The following TRPS1 variants were observed in gnomAD, a reference collection of about 807,000 sequenced individuals.
TRPS1 encodes the protein transcriptional repressor GATA binding 1, also known as zinc finger transcription factor Trps1.
TRPS1 carries 6 observed loss-of-function variants against 101.2 expected under a neutral mutation model. That is an observed-to-expected ratio of 0.06 (90% CI 0.03 to 0.12). The LOEUF is 0.12. TRPS1 is among the 10% of genes least tolerant of loss of function. The pLI is 1.00. For synonymous variants in TRPS1, 578 were observed against 589.8 expected (o/e 0.98, Z 0.29); for missense variants, 1,363 against 1,567.0 (o/e 0.87, Z 2.20).
intron 1 of TRPS1, among the ~76,000 whole-genome samples, chr8:115,632,338 T>C (rs73703343): frequency 0.021 from 3,129 of 152,034 alleles, 124 homozygotes; most frequent in African/African-American, 0.072. Context: ...ACATAAAAAA[T>C]AAATAGTTTA....
intron 4 of TRPS1, among the ~76,000 whole-genome samples, chr8:115,594,003 G>A (rs1817733955): frequency 6.6e-6 from 1 of 152,056 alleles, no homozygotes; most frequent in South Asian, 2.1e-4. Flanking sequence ...CATCCAGATT[G>A]ACAGTAAGTA....
At chr8:115,577,759 CA>C (rs1324024492) in intron 5 of TRPS1, among the ~76,000 whole-genome samples, 2 of 151,718 alleles carry the variant, frequency 1.3e-5, no homozygotes, top group Non-Finnish European at 2.9e-5. Context: ...TATATTTCAG[CA>C]AAAAAATAAA....
intron 5 of TRPS1, among the ~76,000 whole-genome samples, chr8:115,472,218 T>A (rs1814490050): frequency 6.6e-6 from 1 of 152,178 alleles, no homozygotes; most frequent in Non-Finnish European, 1.5e-5. Context: ...TTTCCACACA[T>A]CCTCTGTAAT....
intron 5 of TRPS1, among the ~76,000 whole-genome samples, chr8:115,535,627 C>G (rs1316819580): frequency 6.7e-6 from 1 of 150,264 alleles, no homozygotes; most frequent in African/African-American, 2.4e-5. Flanking sequence ...TTTGGGAGGC[C>G]GAGGTGGGCA....
At chr8:115,500,993 T>C (rs1815303680) in intron 5 of TRPS1, among the ~76,000 whole-genome samples, 1 of 78 alleles carries the variant, frequency 0.013, no homozygotes, top group Admixed American at 0.1. Flanking sequence ...TAGATCTTTC[T>C]ATAGGTAATT....
chr8:115,604,815 G>C lies in TRPS1; in HGVS notation c.1154C>G (p.Ala385Gly), dbSNP rs745786131. ...GTTAGAGTTTTTCTCTGAAGGTTTT[G>C]CAACCTCAGAGGAGGGGAGAGAAGC... ...IKASLPSSEV[A>G]KPSEKNSNKS... Residue 385 changes from alanine to glycine, a missense_variant, in exon 4 of 7, where the codon GCA becomes GGA. By Grantham distance (60) the Ala-to-Gly change is moderately conservative. Coordinates refer to ENST00000395715, the MANE Select transcript of TRPS1 (RefSeq NM_014112.5). This position sits in a 1 kb window ranked among gnomAD's most constrained non-coding sequence, Gnocchi z 4.1. 117 of 1,613,934 alleles carry C rather than the reference G, an allele frequency of 7.2e-5. No individual in the cohort carries two copies. In the Middle Eastern group the frequency reaches 9.9e-4, roughly 14 times the overall value.
At chr8:115,623,923 T>C (rs1201636591) in intron 1 of TRPS1, among the ~76,000 whole-genome samples, 165 bp from the exon 2 acceptor site, 1 of 151,950 alleles carries the variant, frequency 6.6e-6, no homozygotes, top group Non-Finnish European at 1.5e-5. Flanking sequence ...AGGGTTTTAA[T>C]AAAGCAACAA....
chr8:115,554,263 T>C (rs902461989), intron 5 of TRPS1, among the ~76,000 whole-genome samples: 2 of 152,148 alleles, frequency 1.3e-5, no homozygotes, highest in Non-Finnish European at 2.9e-5. Context: ...TTTCTCCCTT[T>C]CTTTCAAGTC....
intron 2 of TRPS1, among the ~76,000 whole-genome samples, chr8:115,620,285 T>G (rs1818365813): frequency 6.6e-6 from 1 of 152,128 alleles, no homozygotes; most frequent in African/African-American, 2.4e-5. Context: ...CATTTATTAT[T>G]TTAAGGTGGT....
intron 5 of TRPS1, among the ~76,000 whole-genome samples, chr8:115,442,612 G>T (rs1046483249): frequency 1.2e-4 from 18 of 151,648 alleles, no homozygotes; most frequent in Admixed American, 7.2e-4. Context: ...TTTGGGGGAA[G>T]GAAGGGGTTA....
chr8:115,531,089 T>TA (rs938141134), intron 5 of TRPS1, among the ~76,000 whole-genome samples: 2 of 151,926 alleles, frequency 1.3e-5, no homozygotes, highest in African/African-American at 4.8e-5. Context: ...TAATAAAATT[T>TA]AAAAAAAGAG....
At chr8:115,448,215 G>C (rs1412827365) in intron 5 of TRPS1, among the ~76,000 whole-genome samples, 1 of 152,128 alleles carries the variant, frequency 6.6e-6, no homozygotes, top group African/African-American at 2.4e-5. Context: ...AATTTCATTA[G>C]TAATTTATTC....
chr8:115,592,746 A>G (rs1401804946), intron 4 of TRPS1, among the ~76,000 whole-genome samples: 1 of 152,194 alleles, frequency 6.6e-6, no homozygotes, highest in African/African-American at 2.4e-5. Context: ...TTTCATTCAA[A>G]TTCATATTCT....
At chr8:115,453,087 T>A (rs913761342) in intron 5 of TRPS1, among the ~76,000 whole-genome samples, 9 of 151,994 alleles carry the variant, frequency 5.9e-5, no homozygotes, top group Non-Finnish European at 1.2e-4. Flanking sequence ...AGTGGCGCGA[T>A]CTCGGCTCAC....
At chr8:115,595,837 TA>T (rs1817772383) in intron 4 of TRPS1, among the ~76,000 whole-genome samples, 1 of 151,848 alleles carries the variant, frequency 6.6e-6, no homozygotes, top group South Asian at 2.1e-4. Context: ...TGTATACAAA[TA>T]AAGGTAATAT....
In TRPS1 at chr8:115,631,237, T is replaced by A. The variant is rs111433571; in HGVS notation, c.-121-7479A>T. 7.2e-5 allele frequency among the ~76,000 whole-genome samples: 11 copies of A among 152,214 alleles called. No individual in the cohort carries two copies. In the South Asian group the frequency reaches 2.3e-3, roughly 32 times the overall value. ...AGGTACCTGCCACTTCACACAGAAT[T>A]ATGTGTTTATGTTTTAGGCTACCCC... On this transcript the variant is annotated intron_variant, in intron 1 of 6. Transcript: ENST00000395715.
chr8:115,613,034 A>G (rs1818204694), intron 3 of TRPS1, among the ~76,000 whole-genome samples: 1 of 152,234 alleles, frequency 6.6e-6, no homozygotes, highest in Non-Finnish European at 1.5e-5. Context: ...CCTGGTAACT[A>G]GAAGAGCATA....
chr8:115,535,537 T>C (rs1449017126), intron 5 of TRPS1, among the ~76,000 whole-genome samples: 1 of 148,666 alleles, frequency 6.7e-6, no homozygotes, highest in Non-Finnish European at 1.5e-5. Flanking sequence ...ATATAGCGCA[T>C]ATATATAGCG....
intron 5 of TRPS1, among the ~76,000 whole-genome samples, chr8:115,450,279 T>A (rs1377194740): frequency 2.0e-5 from 3 of 152,118 alleles, no homozygotes; most frequent in Non-Finnish European, 4.4e-5. Flanking sequence ...GAAAGTGAAT[T>A]CCAAACCCAA....
Sources: allele counts gnomAD v4.1 joint callset (sites outside exome capture counted in the v4.1 genomes callset), GRCh38; gene constraint gnomAD v4.1.1; non-coding constraint Gnocchi (gnomAD v3.1); transcripts MANE v1.5; gene names NCBI Gene and HGNC (gene_info 2026-07-23, HGNC 2026-07-21).